The following PCSK2 variants were observed in gnomAD, a reference collection of about 807,000 sequenced individuals.
The protein encoded by PCSK2 is neuroendocrine convertase 2.
In PCSK2, 14 loss-of-function variants were observed where a neutral mutation model predicts 69.7. That is an observed-to-expected ratio of 0.20 (90% CI 0.13 to 0.31). The LOEUF (loss-of-function observed/expected upper bound fraction) is 0.31, where lower values mean the gene tolerates loss of function less well. PCSK2 is among the 10% of genes least tolerant of loss of function. The pLI, the probability that PCSK2 is intolerant of heterozygous loss-of-function variation, is 1.00. For synonymous variants in PCSK2, 307 were observed against 320.7 expected (o/e 0.96, Z 0.46); for missense variants, 544 against 842.5 (o/e 0.65, Z 4.39).
At chr20:17,310,765 G>A (rs1989479363) in intron 2 of PCSK2, among the ~76,000 whole-genome samples, 1 of 151,354 alleles carries the variant, frequency 6.6e-6, no homozygotes, top group Admixed American at 6.6e-5. Flanking sequence ...GCCGAGGCAG[G>A]TGGATCACGA....
At chr20:17,325,330 C>T (rs1386903110) in intron 2 of PCSK2, among the ~76,000 whole-genome samples, 1 of 152,104 alleles carries the variant, frequency 6.6e-6, no homozygotes, top group Non-Finnish European at 1.5e-5. Context: ...TGGTTTTTCA[C>T]AAATCACTAC....
intron 11 of PCSK2, among the ~76,000 whole-genome samples, chr20:17,476,356 A>G (rs1184654559): frequency 6.6e-6 from 1 of 152,214 alleles, no homozygotes; most frequent in African/African-American, 2.4e-5. Flanking sequence ...TTATATAATA[A>G]CATATTAGAT....
chr20:17,412,469 CA>C (rs2031897502), intron 6 of PCSK2, among the ~76,000 whole-genome samples: 1 of 151,838 alleles, frequency 6.6e-6, no homozygotes, highest in Non-Finnish European at 1.5e-5. Flanking sequence ...AGTGAGAAGA[CA>C]AGGTTAGAGA....
intron 2 of PCSK2, among the ~76,000 whole-genome samples, chr20:17,273,587 C>T (rs1987948886): frequency 6.6e-6 from 1 of 152,124 alleles, no homozygotes; most frequent in African/African-American, 2.4e-5. Context: ...GTTTTCCTTG[C>T]CTGCCCCTAC....
At chr20:17,277,251 G>T (rs945000951) in intron 2 of PCSK2, among the ~76,000 whole-genome samples, 2 of 152,110 alleles carry the variant, frequency 1.3e-5, no homozygotes, top group Admixed American at 1.3e-4. Context: ...AAAAGAGCCT[G>T]CATTGCCAAG....
chr20:17,249,836 T>TGG (rs141064322), intron 1 of PCSK2, among the ~76,000 whole-genome samples: 3 of 151,540 alleles, frequency 2.0e-5, no homozygotes, highest in African/African-American at 7.3e-5. Context: ...ATTCCAGGGC[T>TGG]GGGGGGGGAA....
At chr20:17,468,333 C>T (rs548697618) in intron 11 of PCSK2, among the ~76,000 whole-genome samples, 1 of 147,794 alleles carries the variant, frequency 6.8e-6, no homozygotes, top group South Asian at 2.2e-4. Context: ...CATAGGTCAG[C>T]ATCCTCCACG....
Position 17,465,660 on chromosome 20 carries a change from ATT to A in PCSK2, c.1430+112_1430+113del. On this transcript the variant is annotated intron_variant, in intron 11 of 11. Transcript: ENST00000262545. Reference sequence around the variant, plus strand: ...CCCTCTTCATGTTTGGGTCAACTGTATTTTTTGTTTGTTTGTTTGTTTTTTTG... The same window carrying A: ...CCCTCTTCATGTTTGGGTCAACTGTATTTTGTTTGTTTGTTTGTTTTTTTG... 6 of 747,060 alleles carry A rather than the reference ATT, an allele frequency of 8.0e-6. No homozygotes were observed. The South Asian group carries it at 1.2e-4, about 15-fold the overall frequency. 46.3% of individuals were successfully genotyped at this position (747,060 alleles called of 1,614,324 possible). A position where few individuals can be genotyped will look rare whatever the true frequency, so the allele number is the denominator to read the frequency against.
At position 17,352,244 on chromosome 20, in the gene PCSK2, A is replaced by C. The variant is rs979079454; in HGVS notation, c.283-6083A>C. ...AAGCAGTCTATGCTCATGGATTGGA[A>C]GAATCAGTATCATTAAAATGGTCAT... is the stretch of plus-strand genomic sequence containing the variant. On this transcript the variant is annotated intron_variant, in intron 2 of 11. Transcript: ENST00000262545. Among the ~76,000 whole-genome samples the C allele has an allele frequency of 3.7e-4, 57 of 152,380 alleles. 1 individual carries two copies. The highest frequency in any genetic ancestry group is 2.9e-5 in the Non-Finnish European group (2 of 68,040).
intron 5 of PCSK2, among the ~76,000 whole-genome samples, chr20:17,371,056 T>C (rs1392485356): frequency 6.6e-6 from 1 of 152,042 alleles, no homozygotes; most frequent in Non-Finnish European, 1.5e-5. Flanking sequence ...CCACGTGGAG[T>C]TCTGCTCACT....
chr20:17,393,521 T>C (rs1568631329), intron 5 of PCSK2, among the ~76,000 whole-genome samples: 1 of 152,192 alleles, frequency 6.6e-6, no homozygotes, highest in Non-Finnish European at 1.5e-5. Context: ...CTCTTAGACA[T>C]AATTTTTAAT....
At chr20:17,289,269 A>G (rs1988616969) in intron 2 of PCSK2, among the ~76,000 whole-genome samples, 1 of 152,178 alleles carries the variant, frequency 6.6e-6, no homozygotes, top group Non-Finnish European at 1.5e-5. Flanking sequence ...AGATTTGTGT[A>G]CCTAAAACAA....
chr20:17,480,263 C>T (rs1373151627), intron 11 of PCSK2, among the ~76,000 whole-genome samples: 3 of 143,538 alleles, frequency 2.1e-5, no homozygotes, highest in Non-Finnish European at 3.0e-5. Context: ...GATCTCGGCT[C>T]ACTGCAAGCT....
chr20:17,228,613 A>T (rs1338108146), intron 1 of PCSK2, among the ~76,000 whole-genome samples: 2 of 152,110 alleles, frequency 1.3e-5, no homozygotes, highest in Non-Finnish European at 2.9e-5. Context: ...GAGGAGTGAG[A>T]TGAGCGGTGG....
At chr20:17,464,228 CT>C (rs1275813249) in intron 10 of PCSK2, 1 of 152,086 alleles carries the variant, frequency 6.6e-6, no homozygotes, top group Non-Finnish European at 1.5e-5. Context: ...TTCAATGCCC[CT>C]AGGAGAAAAT....
At chr20:17,342,741 C>T (rs964338090) in intron 2 of PCSK2, among the ~76,000 whole-genome samples, 1 of 152,068 alleles carries the variant, frequency 6.6e-6, no homozygotes, top group Non-Finnish European at 1.5e-5. Context: ...TCTAGTGATC[C>T]CCACCTCAGC....
chr20:17,394,352 A>G (rs1419733869), intron 5 of PCSK2, among the ~76,000 whole-genome samples: 1 of 152,208 alleles, frequency 6.6e-6, no homozygotes. Flanking sequence ...AACCCAGTGC[A>G]TATCCTTGAA....
intron 6 of PCSK2, among the ~76,000 whole-genome samples, chr20:17,421,807 T>TAAAAAAAAAAAAAAAAAAAAAAAAAAA (rs56376793): frequency 1.3e-5 from 1 of 78,972 alleles, no homozygotes; most frequent in Non-Finnish European, 2.3e-5. Flanking sequence ...GGAAGAGAGG[T>TAAAAAAAAAAAAAAAAAAAAAAAAAAA]AAAAAAAAAA....
At position 17,428,568 on chromosome 20, in the gene PCSK2, C is replaced by T. The variant is rs1462872437; in HGVS notation, c.621-867C>T. Among the ~76,000 whole-genome samples, 3 of 152,154 alleles carry T rather than the reference C, an allele frequency of 2.0e-5. No individual in the cohort carries two copies. In the East Asian group the frequency reaches 5.8e-4, roughly 29 times the overall value. Reference sequence around the variant, plus strand: ...TATGTAGCCAATGAACCCCTTCACCCACATTTCCTGATTGTTTGCCACAAT... The same window carrying T: ...TATGTAGCCAATGAACCCCTTCACCTACATTTCCTGATTGTTTGCCACAAT... On this transcript the variant is annotated intron_variant, in intron 6 of 11. Transcript: ENST00000262545.
Sources: allele counts gnomAD v4.1 joint callset (sites outside exome capture counted in the v4.1 genomes callset), GRCh38; gene constraint gnomAD v4.1.1; transcripts MANE v1.5; gene names NCBI Gene and HGNC (gene_info 2026-07-23, HGNC 2026-07-21).